Variants in RPS6KC1 observed in about 807,000 individuals in gnomAD.
RPS6KC1 encodes the protein inactive ribosomal protein S6 kinase delta-1.
A neutral mutation model predicts 103.8 loss-of-function variants in RPS6KC1; 54 were observed. The observed-to-expected ratio is 0.52, with a 90% CI of 0.42 to 0.65. The LOEUF (loss-of-function observed/expected upper bound fraction) is 0.65, where lower values mean the gene tolerates loss of function less well. Among genes scored for constraint, RPS6KC1 ranks in the 30% least tolerant of loss-of-function variants. The pLI is 0.00. For synonymous variants in RPS6KC1, 439 were observed against 438.7 expected, an observed-to-expected ratio of 1.00 and a Z score of -0.01; for missense variants, 1,151 against 1,253.8, an observed-to-expected ratio of 0.92 and a Z score of 1.24.
chr1:213,502,612 TA>T, the RPS6KC1 span, among the ~76,000 whole-genome samples: 5 of 152,282 alleles, frequency 3.3e-5, no homozygotes, highest in East Asian at 9.6e-4. Context: ...ATGTAGTCAT[TA>T]AAAATACATT....
chr1:213,709,623 TTAG>T, the RPS6KC1 span, among the ~76,000 whole-genome samples: 1 of 151,888 alleles, frequency 6.6e-6, no homozygotes, highest in African/African-American at 2.4e-5. Flanking sequence ...GGTGTCAATT[TTAG>T]ATCTTTCCCA....
At chr1:213,743,700 A>G in the RPS6KC1 span, among the ~76,000 whole-genome samples, 1 of 152,158 alleles carries the variant, frequency 6.6e-6, no homozygotes, top group Non-Finnish European at 1.5e-5. Context: ...TAAAGACCCA[A>G]CAGGTCATGG....
the RPS6KC1 span, among the ~76,000 whole-genome samples, chr1:213,822,804 C>A: frequency 6.6e-6 from 1 of 152,190 alleles, no homozygotes; most frequent in East Asian, 1.9e-4. Flanking sequence ...TTGCTCTTAT[C>A]ATCCTAGGCC....
chr1:213,227,991 T>C (rs556913312), intron 8 of RPS6KC1, among the ~76,000 whole-genome samples: 5 of 152,308 alleles, frequency 3.3e-5, no homozygotes, highest in Admixed American at 3.3e-4. Context: ...TTGGGGATTC[T>C]TGGGGTATGA....
At chr1:213,673,640 A>G in the RPS6KC1 span, among the ~76,000 whole-genome samples, 1 of 149,626 alleles carries the variant, frequency 6.7e-6, no homozygotes, top group East Asian at 1.9e-4. Flanking sequence ...AAAGAGAGAG[A>G]AGTACTTTTT....
chr1:213,184,252 C>T (rs553225659), intron 8 of RPS6KC1, among the ~76,000 whole-genome samples: 8 of 151,892 alleles, frequency 5.3e-5, no homozygotes, highest in Non-Finnish European at 1.2e-4. Flanking sequence ...TTTTATGAGA[C>T]CAGTATTACT....
chr1:213,137,435 G>A (rs1011064951), intron 6 of RPS6KC1, among the ~76,000 whole-genome samples: 103 of 152,040 alleles, frequency 6.8e-4, no homozygotes, highest in African/African-American at 2.4e-3. Flanking sequence ...CCAGGTTCAA[G>A]GGATTCTCCT....
chr1:213,728,264 C>A, the RPS6KC1 span, among the ~76,000 whole-genome samples: 7 of 152,234 alleles, frequency 4.6e-5, no homozygotes, highest in African/African-American at 1.4e-4. Flanking sequence ...GTACTTGGGG[C>A]GTCTTGGAAC....
intron 4 of RPS6KC1, among the ~76,000 whole-genome samples, chr1:213,115,046 A>G (rs2148869963): frequency 6.6e-6 from 1 of 152,300 alleles, no homozygotes; most frequent in East Asian, 1.9e-4. Flanking sequence ...CAGCTTTGGT[A>G]TCAGGATGAT....
chr1:213,076,410 G>A (rs1242009964), intron 2 of RPS6KC1, among the ~76,000 whole-genome samples: 1 of 152,102 alleles, frequency 6.6e-6, no homozygotes, highest in Non-Finnish European at 1.5e-5. Flanking sequence ...TGCTTGACCT[G>A]TTATTTGCTC....
chr1:213,481,449 T>C, the RPS6KC1 span, among the ~76,000 whole-genome samples: 1 of 152,236 alleles, frequency 6.6e-6, no homozygotes, highest in East Asian at 1.9e-4. Flanking sequence ...ACTCGTTTCA[T>C]GAGTCTTAGG....
the RPS6KC1 span, among the ~76,000 whole-genome samples, chr1:213,754,652 C>T: frequency 2.6e-5 from 4 of 152,160 alleles, no homozygotes; most frequent in Non-Finnish European, 4.4e-5. Flanking sequence ...CTGAGGCCTC[C>T]CCAGAAGCAG....
At chr1:213,545,073 G>T in the RPS6KC1 span, among the ~76,000 whole-genome samples, 3 of 152,096 alleles carry the variant, frequency 2.0e-5, no homozygotes, top group African/African-American at 7.2e-5. Context: ...CTATAAGAGA[G>T]AATCTGTTTC....
At chr1:213,053,006 G>A (rs2077071546) in intron 1 of RPS6KC1, among the ~76,000 whole-genome samples, 1 of 152,186 alleles carries the variant, frequency 6.6e-6, no homozygotes, top group African/African-American at 2.4e-5. Context: ...ATTGCTGTTC[G>A]GAGAATAGAG....
chr1:213,752,890 T>A, the RPS6KC1 span, among the ~76,000 whole-genome samples: 1 of 152,166 alleles, frequency 6.6e-6, no homozygotes, highest in African/African-American at 2.4e-5. Flanking sequence ...CAAGCCAAGA[T>A]CCCTTCATCA....
At chr1:213,335,781 C>T in the RPS6KC1 span, among the ~76,000 whole-genome samples, 11 of 152,296 alleles carry the variant, frequency 7.2e-5, no homozygotes, top group African/African-American at 2.4e-4. Context: ...GCACAACTGT[C>T]GTGTGCTGTA....
intron 8 of RPS6KC1, among the ~76,000 whole-genome samples, chr1:213,216,746 C>G (rs1238927398): frequency 3.3e-5 from 5 of 152,212 alleles, no homozygotes; most frequent in South Asian, 2.1e-4. Flanking sequence ...TACATGGAAA[C>G]TGAACAACCT....
the RPS6KC1 span, among the ~76,000 whole-genome samples, chr1:213,368,535 A>C: frequency 1.3e-5 from 2 of 152,194 alleles, no homozygotes; most frequent in African/African-American, 2.4e-5. Context: ...GGGAAGGCAG[A>C]TATTTAGAGC....
chr1:213,574,919 C>T, the RPS6KC1 span, among the ~76,000 whole-genome samples: 241 of 152,060 alleles, frequency 1.6e-3, 1 homozygote, highest in South Asian at 0.017. Flanking sequence ...GTGTCCATGA[C>T]GGGTGAGAGC....
Sources: gnomAD v4.1 joint callset for allele counts (sites outside exome capture counted in the v4.1 genomes callset) on GRCh38, gnomAD v4.1.1 for gene constraint, MANE v1.5 for transcripts, NCBI Gene and HGNC (gene_info 2026-07-23, HGNC 2026-07-21) for gene names.